MARCHF1: variants seen among roughly 807,000 people sequenced by gnomAD.
MARCHF1 encodes the protein E3 ubiquitin-protein ligase MARCHF1.
Under a neutral mutation model 54.2 loss-of-function variants are expected in MARCHF1, and 40 were observed. That is an observed-to-expected ratio of 0.74 (90% CI 0.57 to 0.96). The LOEUF (loss-of-function observed/expected upper bound fraction) is 0.96, where lower values mean the gene tolerates loss of function less well. MARCHF1 is among the 40% of genes least tolerant of loss of function. The probability of loss-of-function intolerance (pLI) is 0.00; values close to 1 mark genes in which losing one functional copy is unlikely to be tolerated. For missense variants in MARCHF1, 586 were observed against 656.5 expected, an observed-to-expected ratio of 0.89 and a Z score of 1.17; for synonymous variants, 236 against 236.3, an observed-to-expected ratio of 1.00 and a Z score of 0.01.
At chr4:164,239,531 A>T (rs1284606454) in intron 1 of MARCHF1, among the ~76,000 whole-genome samples, 3 of 152,166 alleles carry the variant, frequency 2.0e-5, no homozygotes, top group Non-Finnish European at 2.9e-5. Flanking sequence ...AGTCCTTGAC[A>T]ACTTTGATTT....
chr4:163,537,628 ACT>A (rs767144364), intron 9 of MARCHF1, among the ~76,000 whole-genome samples: 2 of 151,990 alleles, frequency 1.3e-5, no homozygotes, highest in Non-Finnish European at 2.9e-5. Context: ...TTAATAATAA[ACT>A]CTCTGCCCAT....
At chr4:163,534,398 TTAA>T (rs1261559168) in intron 9 of MARCHF1, among the ~76,000 whole-genome samples, 1 of 152,080 alleles carries the variant, frequency 6.6e-6, no homozygotes, top group Non-Finnish European at 1.5e-5. Flanking sequence ...AGAAACCCTA[TTAA>T]TGTTAACTAA....
intron 2 of MARCHF1, among the ~76,000 whole-genome samples, chr4:164,066,683 A>G (rs946717449): frequency 6.6e-6 from 1 of 152,220 alleles, no homozygotes; most frequent in Admixed American, 6.5e-5. Context: ...AATACTATGC[A>G]GCCATAGAAA....
intron 1 of MARCHF1, among the ~76,000 whole-genome samples, chr4:164,276,531 G>A (rs1339268770): frequency 1.4e-5 from 2 of 144,806 alleles, no homozygotes; most frequent in Admixed American, 6.7e-5. Context: ...GTATATATAC[G>A]TGTGTGTGTA....
At chr4:163,783,543 A>G (rs940291160) in intron 4 of MARCHF1, among the ~76,000 whole-genome samples, 3 of 152,192 alleles carry the variant, frequency 2.0e-5, no homozygotes, top group African/African-American at 7.2e-5. Flanking sequence ...GATCTGAGTC[A>G]TCTGTCTTCA....
At chr4:163,531,738 G>A (rs1259427389) in intron 9 of MARCHF1, among the ~76,000 whole-genome samples, 1 of 151,546 alleles carries the variant, frequency 6.6e-6, no homozygotes, top group Non-Finnish European at 1.5e-5. Context: ...AATGTTGCAG[G>A]ATACAAAGTT....
At chr4:163,620,390 T>C (rs1741640376) in intron 5 of MARCHF1, among the ~76,000 whole-genome samples, 1 of 152,088 alleles carries the variant, frequency 6.6e-6, no homozygotes, top group Non-Finnish European at 1.5e-5. Context: ...ACCATTAAAG[T>C]TGGAAATTCT....
chr4:163,599,383 C>T (rs1171825427), intron 7 of MARCHF1, among the ~76,000 whole-genome samples: 1 of 149,548 alleles, frequency 6.7e-6, no homozygotes, highest in Non-Finnish European at 1.5e-5. Context: ...CTTATGCCTA[C>T]ACATATATAC....
intron 2 of MARCHF1, among the ~76,000 whole-genome samples, chr4:164,083,662 T>C (rs1755143405): frequency 6.6e-6 from 1 of 152,132 alleles, no homozygotes. Flanking sequence ...CTATGCTGCA[T>C]CTTGGTTAGA....
intron 1 of MARCHF1, among the ~76,000 whole-genome samples, chr4:164,358,596 T>C (rs1730630591): frequency 6.6e-6 from 1 of 152,164 alleles, no homozygotes; most frequent in African/African-American, 2.4e-5. Context: ...TGAAAGGAGA[T>C]ATTACTGGGT....
chr4:163,885,559 C>T (rs1750511519), intron 3 of MARCHF1, among the ~76,000 whole-genome samples: 1 of 152,056 alleles, frequency 6.6e-6, no homozygotes, highest in Non-Finnish European at 1.5e-5. Flanking sequence ...AAAGATGTTT[C>T]CTGTCCTCTA....
chr4:163,571,074 C>A (rs932007760), intron 8 of MARCHF1, among the ~76,000 whole-genome samples: 1 of 152,066 alleles, frequency 6.6e-6, no homozygotes, highest in Non-Finnish European at 1.5e-5. Flanking sequence ...AGTCAACAAC[C>A]TTTTTATCTT....
chr4:164,153,114 C>T (rs1729987506), intron 1 of MARCHF1, among the ~76,000 whole-genome samples: 1 of 53,312 alleles, frequency 1.9e-5, no homozygotes, highest in Non-Finnish European at 3.5e-5. Flanking sequence ...TGACTCTTTT[C>T]ATCAACAGAG....
rs1180374498 is a variant in MARCHF1, at chr4:164,190,359, A to C, written c.-322-78697T>G. On this transcript the variant is annotated intron_variant, in intron 1 of 9. Transcript: ENST00000514618. ...TAGACACAGATCTGCTACTGCTGTA[A>C]TATTGTAAATACTGGACTCAGGAAC... The C allele has an allele frequency of 1.2e-5, 7 of 595,436 alleles. No homozygotes were observed. The Admixed American group carries it at 2.1e-4, about 18-fold the overall frequency. The allele number at this position is 595,436 out of a possible 1,614,324, so 36.9% of individuals were successfully genotyped here.
At chr4:164,366,792 T>C (rs4396951) in intron 1 of MARCHF1, among the ~76,000 whole-genome samples, 77,955 of 151,630 alleles carry the variant, frequency 0.51, 20,968 homozygotes, top group East Asian at 0.65. Flanking sequence ...GTTTTATACA[T>C]GTTTATTTAT....
chr4:163,712,425 T>C (rs1463338402), intron 4 of MARCHF1, among the ~76,000 whole-genome samples: 1 of 152,192 alleles, frequency 6.6e-6, no homozygotes, highest in Non-Finnish European at 1.5e-5. Flanking sequence ...TACTAGATAC[T>C]TTGTGATTCA....
At chr4:163,650,000 T>C (rs1167294275) in intron 5 of MARCHF1, among the ~76,000 whole-genome samples, 3 of 151,966 alleles carry the variant, frequency 2.0e-5, no homozygotes, top group African/African-American at 7.2e-5. Flanking sequence ...TAGTCCTGGG[T>C]AGATCTTTAG....
In MARCHF1 at chr4:164,057,272, T is replaced by G. The variant is rs112259971; in HGVS notation, c.-248+54316A>C. ...GAAGATTATTACCATATTCATTTCA[T>G]AAGAATATCCACCAATTAAGCCAAG... On this transcript the variant is annotated intron_variant, in intron 2 of 9. Transcript: ENST00000514618. Among the ~76,000 whole-genome samples, 1,073 of 152,332 alleles carry G rather than the reference T, an allele frequency of 7.0e-3. 12 individuals carry two copies. The highest frequency in any genetic ancestry group is 0.016 in the East Asian group (82 of 5,182).
Position 163,906,283 on chromosome 4 carries a change from G to T in MARCHF1, c.-38-52114C>A, listed in dbSNP as rs75595641. Among the ~76,000 whole-genome samples, 510 of 152,038 alleles carry T rather than the reference G, an allele frequency of 3.4e-3. 5 individuals are homozygous for T. The highest frequency in any genetic ancestry group is 0.011 in the African/African-American group (472 of 41,504). On this transcript the variant is annotated intron_variant, in intron 3 of 9. Coordinates refer to ENST00000514618, the MANE Select transcript of MARCHF1 (RefSeq NM_001394959.1). ...AAGCATTTCCCCAGTGCCTGAATAT[G>T]TAACTGAATAAATAAATGGGGTATT...
Sources: allele counts gnomAD v4.1 joint callset (sites outside exome capture counted in the v4.1 genomes callset), GRCh38; gene constraint gnomAD v4.1.1; transcripts MANE v1.5; gene names NCBI Gene and HGNC (gene_info 2026-07-23, HGNC 2026-07-21).